The following POLA1 variants were observed in gnomAD, a reference collection of about 807,000 sequenced individuals.
POLA1 encodes DNA polymerase alpha catalytic subunit.
In POLA1, 15 loss-of-function variants were observed where a neutral mutation model predicts 124.0. That is an observed-to-expected ratio of 0.12 (90% confidence interval 0.08 to 0.19). The LOEUF (loss-of-function observed/expected upper bound fraction) is 0.19. POLA1 is among the 10% of genes least tolerant of loss of function. The pLI, the probability that POLA1 is intolerant of heterozygous loss-of-function variation, is 1.00. For missense variants in POLA1, 886 were observed against 1,103.4 expected, an observed-to-expected ratio of 0.80 and a Z score of 2.79; for synonymous variants, 408 against 389.4, an observed-to-expected ratio of 1.05 and a Z score of -0.56.
intron 32 of POLA1, among the ~76,000 whole-genome samples, chrX:24,826,984 C>G (rs1023267378): frequency 1.2e-4 from 13 of 112,227 alleles, no homozygotes; most frequent in African/African-American, 4.2e-4. Context: ...CATCTTGTCT[C>G]TGTCGCTGAA....
chrX:24,988,417 C>T (rs1035991576), intron 36 of POLA1, among the ~76,000 whole-genome samples: 1 of 112,428 alleles, frequency 8.9e-6, no homozygotes, highest in Non-Finnish European at 1.9e-5. Context: ...CCAGAATTTC[C>T]GATTCTAAAG....
intron 32 of POLA1, among the ~76,000 whole-genome samples, chrX:24,829,360 G>A (rs775938670): frequency 4.5e-5 from 5 of 111,376 alleles, no homozygotes; most frequent in East Asian, 5.7e-4. Context: ...TTTATATCGC[G>A]GATGTGTGAA....
At chrX:24,866,213 CGT>C (rs760967762) in intron 34 of POLA1, among the ~76,000 whole-genome samples, 4 of 111,592 alleles carry the variant, frequency 3.6e-5, no homozygotes, top group Non-Finnish European at 5.7e-5. Flanking sequence ...AAATTGTGTG[CGT>C]GTGTGTTTTG....
At chrX:24,799,530 A>C (rs767963865) in intron 26 of POLA1, among the ~76,000 whole-genome samples, 6 of 112,558 alleles carry the variant, frequency 5.3e-5, no homozygotes, top group Non-Finnish European at 9.4e-5. Context: ...ATCTGAGCAT[A>C]GCCAGCCTGA....
chrX:24,910,417 C>G (rs772261549), intron 35 of POLA1, among the ~76,000 whole-genome samples: 2 of 110,622 alleles, frequency 1.8e-5, no homozygotes, highest in African/African-American at 3.3e-5. Flanking sequence ...TATGTCCCAT[C>G]AATACCTAAT....
intron 26 of POLA1, among the ~76,000 whole-genome samples, chrX:24,753,380 T>C (rs1037036014): frequency 1.9e-5 from 2 of 107,363 alleles, no homozygotes; most frequent in Non-Finnish European, 3.8e-5. Flanking sequence ...AGAAACAGGG[T>C]CTCACTTTCT....
intron 36 of POLA1, among the ~76,000 whole-genome samples, chrX:24,951,372 G>A (rs934271184): frequency 8.6e-5 from 7 of 81,736 alleles, no homozygotes; most frequent in East Asian, 4.7e-4. Context: ...AAATGCAGAC[G>A]AGGATATTTT....
chrX:24,736,938 ACTT>A (rs1371386101), intron 18 of POLA1, among the ~76,000 whole-genome samples: 1 of 112,103 alleles, frequency 8.9e-6, no homozygotes, highest in African/African-American at 3.2e-5. Context: ...ATTATTTTAA[ACTT>A]CATCTAATTT....
chrX:24,945,669 G>A (rs900603186), intron 36 of POLA1, among the ~76,000 whole-genome samples: 5 of 111,433 alleles, frequency 4.5e-5, no homozygotes, highest in Non-Finnish European at 7.5e-5. Context: ...AAAAATCTCC[G>A]CAGGTGATTC....
chrX:24,781,824 A>G (rs760273172), intron 26 of POLA1, among the ~76,000 whole-genome samples: 1 of 112,032 alleles, frequency 8.9e-6, no homozygotes, highest in Non-Finnish European at 1.9e-5. Context: ...TATTAATGCT[A>G]TGATACTTAA....
At chrX:24,975,734 T>C (rs1313333835) in intron 36 of POLA1, among the ~76,000 whole-genome samples, 1 of 112,513 alleles carries the variant, frequency 8.9e-6, no homozygotes, top group Non-Finnish European at 1.9e-5. Flanking sequence ...CCACACATTG[T>C]AAACTGCTGC....
At position 24,719,705 on chromosome X, in the gene POLA1, T is replaced by C. The variant is rs1285388776; in HGVS notation, c.1087+1947T>C. 2.7e-5 allele frequency among the ~76,000 whole-genome samples: 3 copies of C among 111,917 alleles called. No individual in the cohort carries two copies. The East Asian group carries it at 8.5e-4, about 32-fold the overall frequency. On this transcript the variant is annotated intron_variant, in intron 10 of 36. Coordinates refer to ENST00000379068, the MANE Select transcript of POLA1 (RefSeq NM_001330360.2). ...ACTCCCCGTACTTTGCTGCATCTGC[T>C]CAATGCTGCATTTCATTCCCTATCT...
chrX:24,810,344 A>G (rs1482819770), intron 27 of POLA1, among the ~76,000 whole-genome samples: 2 of 111,637 alleles, frequency 1.8e-5, no homozygotes, highest in Admixed American at 1.9e-4. Flanking sequence ...TTAAATTGCC[A>G]TGACCACTAA....
At chrX:24,961,874 G>T (rs898790098) in intron 36 of POLA1, among the ~76,000 whole-genome samples, 6 of 111,661 alleles carry the variant, frequency 5.4e-5, no homozygotes, top group Non-Finnish European at 9.4e-5. Flanking sequence ...CCACCTTCAT[G>T]CCTGAAGCTT....
chrX:24,952,100 C>T (rs2048054124), intron 36 of POLA1, among the ~76,000 whole-genome samples: 1 of 111,728 alleles, frequency 9.0e-6, no homozygotes, highest in South Asian at 3.8e-4. Context: ...AAATTGCTGA[C>T]ATTAGACCAT....
chrX:24,923,671 C>T (rs760538300), intron 35 of POLA1, among the ~76,000 whole-genome samples: 6 of 111,952 alleles, frequency 5.4e-5, no homozygotes, highest in African/African-American at 1.9e-4. Context: ...CCCTCACAAG[C>T]GGCTGATTAA....
intron 35 of POLA1, among the ~76,000 whole-genome samples, chrX:24,915,078 A>G (rs2047511651): frequency 8.9e-6 from 1 of 112,164 alleles, no homozygotes; most frequent in Non-Finnish European, 1.9e-5. Context: ...GGTGAAATAG[A>G]TTACAGAGGA....
At chrX:24,779,843 A>G (rs776643575) in intron 26 of POLA1, among the ~76,000 whole-genome samples, 10 of 112,255 alleles carry the variant, frequency 8.9e-5, no homozygotes, top group Non-Finnish European at 1.5e-4. Context: ...TAGAGCCAGG[A>G]TGCAAATCCA....
At chrX:24,922,971 A>G (rs2047637741) in intron 35 of POLA1, among the ~76,000 whole-genome samples, 2 of 112,097 alleles carry the variant, frequency 1.8e-5, no homozygotes, top group African/African-American at 6.5e-5. Flanking sequence ...GGCAAATTCA[A>G]TCTTTTTTTG....
Sources: gnomAD v4.1 joint callset for allele counts (sites outside exome capture counted in the v4.1 genomes callset) on GRCh38, gnomAD v4.1.1 for gene constraint, MANE v1.5 for transcripts, NCBI Gene and HGNC (gene_info 2026-07-23, HGNC 2026-07-21) for gene names.